GNA14: variants seen among roughly 807,000 people sequenced by gnomAD.
GNA14 encodes G protein subunit alpha 14, also known as guanine nucleotide-binding protein subunit alpha-14.
Under a neutral mutation model 42.0 loss-of-function variants are expected in GNA14, and 50 were observed. The observed-to-expected ratio is 1.19, with a 90% CI of 0.95 to 1.51. The LOEUF is 1.51. Ranked by LOEUF, GNA14 falls within the 40% of genes most tolerant of loss-of-function variation. The pLI is 0.00. For synonymous variants in GNA14, 173 were observed against 163.1 expected (o/e 1.06, Z -0.46); for missense variants, 473 against 446.2 (o/e 1.06, Z -0.54).
chr9:77,447,406 G>A (rs957178177), intron 2 of GNA14, among the ~76,000 whole-genome samples: 4 of 152,076 alleles, frequency 2.6e-5, no homozygotes, highest in South Asian at 2.1e-4. Flanking sequence ...AGACCTCCTC[G>A]TTCCTCTCTT....
intron 2 of GNA14, among the ~76,000 whole-genome samples, chr9:77,491,629 T>C (rs1056131682): frequency 3.3e-5 from 5 of 152,182 alleles, no homozygotes; most frequent in African/African-American, 1.2e-4. Context: ...TATAAATATC[T>C]ATCCATCCAA....
chr9:77,469,368 A>T lies in GNA14; in HGVS notation c.310-34846T>A, dbSNP rs1009936084. On this transcript the variant is annotated intron_variant, in intron 2 of 6. Coordinates refer to ENST00000341700, the MANE Select transcript of GNA14 (RefSeq NM_004297.4). ...TTAGTCCTAGGATAAACTGTGTTAA[A>T]AAAAAAAAAAAAAAAAAAAAGAACT... Among the ~76,000 whole-genome samples, 182 of 69,384 alleles carry T rather than the reference A, an allele frequency of 2.6e-3. 1 individual carries two copies. Among genetic ancestry groups the T allele is most frequent in the African/African-American group, 0.025 (176 of 7,100 alleles). 45.5% of individuals were successfully genotyped at this position (69,384 alleles called of 152,430 possible). A position where few individuals can be genotyped will look rare whatever the true frequency, so the allele number is the denominator to read the frequency against.
At chr9:77,554,714 T>A (rs2131784436) in intron 1 of GNA14, among the ~76,000 whole-genome samples, 1 of 152,306 alleles carries the variant, frequency 6.6e-6, no homozygotes, top group Non-Finnish European at 1.5e-5. Context: ...CCTTTCTAAA[T>A]CTTCAGAAAA....
intron 2 of GNA14, among the ~76,000 whole-genome samples, chr9:77,470,873 C>A (rs1000920378): frequency 2.0e-5 from 3 of 152,140 alleles, no homozygotes; most frequent in African/African-American, 7.2e-5. Flanking sequence ...GTGCCACACA[C>A]TTTTAAACCA....
intron 1 of GNA14, among the ~76,000 whole-genome samples, chr9:77,639,031 G>T (rs1183261888): frequency 6.6e-6 from 1 of 152,194 alleles, no homozygotes; most frequent in Non-Finnish European, 1.5e-5. Flanking sequence ...TTCTTTTCAT[G>T]ATTCCACTGT....
At chr9:77,607,918 G>A (rs541419203) in intron 1 of GNA14, among the ~76,000 whole-genome samples, 1 of 152,036 alleles carries the variant, frequency 6.6e-6, no homozygotes, top group African/African-American at 2.4e-5. Flanking sequence ...CTTCCTAAAG[G>A]CCCCATCTCC....
At chr9:77,429,207 G>A (rs974673877) in intron 4 of GNA14, among the ~76,000 whole-genome samples, 171 bp from the exon 5 acceptor site, 4 of 152,198 alleles carry the variant, frequency 2.6e-5, no homozygotes, top group African/African-American at 9.7e-5. Flanking sequence ...TAAGCAATGA[G>A]GGACCACTGG....
chr9:77,508,806 T>G (rs114362029), intron 2 of GNA14, among the ~76,000 whole-genome samples: 1,979 of 152,210 alleles, frequency 0.013, 55 homozygotes, highest in African/African-American at 0.044. Context: ...AAGAATATAC[T>G]GGGAGGATAA....
intron 1 of GNA14, among the ~76,000 whole-genome samples, chr9:77,601,356 A>T (rs1157783607): frequency 1.3e-5 from 2 of 152,228 alleles, no homozygotes; most frequent in African/African-American, 4.8e-5. Flanking sequence ...AGTGAAAGAA[A>T]GAATCTTTTA....
chr9:77,640,138 G>A (rs973923891), intron 1 of GNA14, among the ~76,000 whole-genome samples: 1 of 152,212 alleles, frequency 6.6e-6, no homozygotes, highest in African/African-American at 2.4e-5. Context: ...TCTCAAGCTT[G>A]GAAGGGGATG....
intron 1 of GNA14, among the ~76,000 whole-genome samples, chr9:77,532,420 A>T (rs934488630): frequency 4.6e-5 from 7 of 152,222 alleles, no homozygotes; most frequent in Non-Finnish European, 7.3e-5. Context: ...TGGTCCCAGC[A>T]GCAGGTGAAT....
At chr9:77,565,641 A>G (rs1822955963) in intron 1 of GNA14, among the ~76,000 whole-genome samples, 1 of 152,170 alleles carries the variant, frequency 6.6e-6, no homozygotes, top group Non-Finnish European at 1.5e-5. Flanking sequence ...CATTCTTAGT[A>G]GAGATGGGAT....
chr9:77,610,158 G>A (rs1054737812), intron 1 of GNA14, among the ~76,000 whole-genome samples: 1 of 152,096 alleles, frequency 6.6e-6, no homozygotes, highest in African/African-American at 2.4e-5. Flanking sequence ...GTCCTAAGCT[G>A]TTGTCTGTTC....
intron 1 of GNA14, among the ~76,000 whole-genome samples, chr9:77,542,344 G>A (rs569674659): frequency 6.6e-5 from 10 of 152,314 alleles, no homozygotes; most frequent in Middle Eastern, 3.4e-3. Context: ...GGCTTAGGGT[G>A]CAGTTATTAG....
Position 77,423,989 on chromosome 9 carries a change from T to A in GNA14, c.1058A>T (p.Asn353Ile). ...TILQLNLREF[N>I]LV ...AGTGGGCAGCAGCTTTTAGACAAGG[T>A]TGAATTCCCTTAGGTTTAGCTGTAG... Residue 353 changes from asparagine (N) to isoleucine (I), a missense_variant, in exon 7 of 7, where the codon AAC becomes ATC. Physicochemically the swap from Asn to Ile is moderately radical, Grantham distance 149 (BLOSUM62 -3). Coordinates refer to ENST00000341700, the MANE Select transcript of GNA14 (RefSeq NM_004297.4). 3 of 1,589,846 alleles carry A rather than the reference T, an allele frequency of 1.9e-6. No homozygotes were observed. Among genetic ancestry groups the A allele is most frequent in the Non-Finnish European group, 2.6e-6 (3 of 1,165,528 alleles).
intron 2 of GNA14, among the ~76,000 whole-genome samples, chr9:77,470,184 C>G (rs1836306670): frequency 6.6e-6 from 1 of 152,156 alleles, no homozygotes; most frequent in Non-Finnish European, 1.5e-5. Flanking sequence ...GTTCACTGAA[C>G]CTCTGGGTGG....
intron 2 of GNA14, among the ~76,000 whole-genome samples, chr9:77,516,874 A>T (rs1180082318): frequency 6.6e-6 from 1 of 152,166 alleles, no homozygotes; most frequent in Non-Finnish European, 1.5e-5. Context: ...TTACAACAAT[A>T]ATGACAACCT....
intron 2 of GNA14, among the ~76,000 whole-genome samples, chr9:77,443,587 C>T (rs1389358106): frequency 6.6e-6 from 1 of 152,210 alleles, no homozygotes; most frequent in Non-Finnish European, 1.5e-5. Context: ...CTTTCCCTTC[C>T]TCTTTTCTCC....
intron 1 of GNA14, among the ~76,000 whole-genome samples, chr9:77,618,515 T>G (rs948298567): frequency 1.1e-4 from 16 of 142,612 alleles, no homozygotes; most frequent in Admixed American, 1.0e-3. Flanking sequence ...ATGTGGATAG[T>G]GAATGAATAT....
Sources: allele counts gnomAD v4.1 joint callset (sites outside exome capture counted in the v4.1 genomes callset), GRCh38; gene constraint gnomAD v4.1.1; transcripts MANE v1.5; gene names NCBI Gene and HGNC (gene_info 2026-07-23, HGNC 2026-07-21).